Variants in RERG observed in about 807,000 individuals in gnomAD.
RERG encodes ras-related and estrogen-regulated growth inhibitor.
RERG carries 25 observed loss-of-function variants against 23.2 expected under a neutral mutation model. The ratio of observed to expected loss-of-function variants is 1.08; its 90% confidence interval spans 0.79 to 1.50. The LOEUF is 1.50. Ranked by LOEUF, RERG falls within the 40% of genes most tolerant of loss-of-function variation. RERG has a pLI of 0.00. For synonymous variants in RERG, 81 were observed against 89.1 expected (o/e 0.91, Z 0.51); for missense variants, 253 against 250.1 (o/e 1.01, Z -0.08).
chr12:15,132,189 T>C (rs1226485408), intron 2 of RERG, among the ~76,000 whole-genome samples: 3 of 152,160 alleles, frequency 2.0e-5, no homozygotes, highest in Non-Finnish European at 1.5e-5. Flanking sequence ...AAAAGGCTTA[T>C]TTAGGAATCA....
chr12:15,144,906 C>T (rs1051601396), intron 2 of RERG, among the ~76,000 whole-genome samples: 7 of 152,158 alleles, frequency 4.6e-5, no homozygotes, highest in African/African-American at 1.7e-4. Context: ...AGAACTAGAA[C>T]AAAATGACAG....
chr12:15,116,657 G>A (rs888780435), intron 3 of RERG, among the ~76,000 whole-genome samples: 1 of 151,782 alleles, frequency 6.6e-6, no homozygotes, highest in Admixed American at 6.6e-5. Flanking sequence ...CTCATTAGAA[G>A]CCCATTTTCT....
chr12:15,208,024 T>C (rs1372515723), intron 2 of RERG, among the ~76,000 whole-genome samples: 3 of 152,126 alleles, frequency 2.0e-5, no homozygotes, highest in East Asian at 1.9e-4. Context: ...TTAATATCAG[T>C]AGACTAGTGG....
intron 2 of RERG, among the ~76,000 whole-genome samples, chr12:15,166,625 A>G (rs1206245060): frequency 2.6e-5 from 4 of 151,738 alleles, no homozygotes; most frequent in Non-Finnish European, 5.9e-5. Context: ...TAATGCAAAC[A>G]TTATGTGAAA....
intron 2 of RERG, among the ~76,000 whole-genome samples, chr12:15,203,842 G>T (rs1404396069): frequency 6.6e-6 from 1 of 151,296 alleles, no homozygotes; most frequent in Non-Finnish European, 1.5e-5. Flanking sequence ...AAAAAACTTG[G>T]GGAAAACTTA....
At chr12:15,120,667 C>T (rs1001612385) in intron 3 of RERG, among the ~76,000 whole-genome samples, 1 of 152,014 alleles carries the variant, frequency 6.6e-6, no homozygotes, top group Non-Finnish European at 1.5e-5. Context: ...TTTATTTTTC[C>T]CTAAAATCCA....
In RERG at chr12:15,192,991, T is replaced by C. The variant is rs551538482; in HGVS notation, c.61+24438A>G. 3.3e-5 allele frequency among the ~76,000 whole-genome samples: 5 copies of C among 152,278 alleles called. No individual in the cohort carries two copies. In the South Asian group the frequency reaches 1.0e-3, roughly 32 times the overall value. On this transcript the variant is annotated intron_variant, in intron 2 of 4. Transcript: ENST00000256953. ...TTGCTTAACATAGTGTCTGCCGGAT[T>C]TTTTTCACCATAAAGTTACCACTTT...
intron 2 of RERG, among the ~76,000 whole-genome samples, chr12:15,216,732 A>C (rs1222268702): frequency 6.6e-6 from 1 of 152,228 alleles, no homozygotes; most frequent in Non-Finnish European, 1.5e-5. Flanking sequence ...TATAAGATCG[A>C]AGATGTATTT....
chr12:15,200,115 G>A (rs1399005168), intron 2 of RERG, among the ~76,000 whole-genome samples: 2 of 152,006 alleles, frequency 1.3e-5, no homozygotes, highest in South Asian at 2.1e-4. Flanking sequence ...AGAAAGAAAT[G>A]TTTATTTACT....
At chr12:15,183,409 T>C (rs922693991) in intron 2 of RERG, among the ~76,000 whole-genome samples, 3 of 152,152 alleles carry the variant, frequency 2.0e-5, no homozygotes, top group Non-Finnish European at 2.9e-5. Context: ...TAATTTTGTA[T>C]ATAAATTCAA....
At chr12:15,153,879 T>C (rs762442669) in intron 2 of RERG, among the ~76,000 whole-genome samples, 2 of 152,184 alleles carry the variant, frequency 1.3e-5, no homozygotes, top group African/African-American at 4.8e-5. Flanking sequence ...GATGATTTCA[T>C]TGGAGTAAGC....
At chr12:15,182,518 TATA>T (rs1268035782) in intron 2 of RERG, among the ~76,000 whole-genome samples, 2 of 152,164 alleles carry the variant, frequency 1.3e-5, no homozygotes, top group South Asian at 2.1e-4. Context: ...GACTCAAAGA[TATA>T]ATATCACATT....
chr12:15,191,876 G>A (rs1042495350), intron 2 of RERG, among the ~76,000 whole-genome samples: 5 of 152,114 alleles, frequency 3.3e-5, no homozygotes, highest in African/African-American at 1.2e-4. Flanking sequence ...GCTTTATCAG[G>A]ATCTGCCTGA....
intron 2 of RERG, among the ~76,000 whole-genome samples, chr12:15,142,617 T>C (rs528420334): frequency 6.6e-6 from 1 of 152,310 alleles, no homozygotes; most frequent in East Asian, 1.9e-4. Flanking sequence ...GACTTATCAA[T>C]TGGCCTCTTC....
intron 2 of RERG, among the ~76,000 whole-genome samples, chr12:15,125,885 T>C (rs1162376152): frequency 6.6e-6 from 1 of 151,698 alleles, no homozygotes; most frequent in Non-Finnish European, 1.5e-5. Context: ...TTCACTTCCT[T>C]ATAGTGTGGA....
In RERG at chr12:15,192,625, T is replaced by G. The variant is rs1865087742; in HGVS notation, c.61+24804A>C. On this transcript the variant is annotated intron_variant, in intron 2 of 4. Transcript: ENST00000256953. ...GGTGCAATACTATTAACTAAACAAC[T>G]GATTCAACTGGATTTCACCAGTTTT... Among the ~76,000 whole-genome samples, 3 of 152,172 alleles carry G rather than the reference T, an allele frequency of 2.0e-5. No homozygotes were observed. In the South Asian group the frequency reaches 6.2e-4, roughly 32 times the overall value.
chr12:15,174,507 T>A (rs1391769801), intron 2 of RERG, among the ~76,000 whole-genome samples: 1 of 151,642 alleles, frequency 6.6e-6, no homozygotes, highest in Non-Finnish European at 1.5e-5. Flanking sequence ...TATATATATA[T>A]ATTTAAAATC....
intron 2 of RERG, among the ~76,000 whole-genome samples, chr12:15,187,619 C>T (rs930390649): frequency 5.9e-5 from 9 of 151,278 alleles, no homozygotes; most frequent in South Asian, 2.1e-4. Flanking sequence ...AGGGCAACGG[C>T]GCAATCTTGG....
intron 2 of RERG, among the ~76,000 whole-genome samples, chr12:15,159,035 T>G (rs1864564861): frequency 6.6e-6 from 1 of 152,236 alleles, no homozygotes; most frequent in African/African-American, 2.4e-5. Context: ...CTGAATCAAT[T>G]ATTTTGATAA....
Sources: gnomAD v4.1 joint callset for allele counts (sites outside exome capture counted in the v4.1 genomes callset) on GRCh38, gnomAD v4.1.1 for gene constraint, MANE v1.5 for transcripts, NCBI Gene and HGNC (gene_info 2026-07-23, HGNC 2026-07-21) for gene names.